The following TNXB variants were observed in gnomAD, a reference collection of about 807,000 sequenced individuals.
TNXB encodes the protein tenascin XB.
A neutral mutation model predicts 340.5 loss-of-function variants in TNXB; 183 were observed. The observed-to-expected ratio is 0.54, with a 90% CI of 0.48 to 0.61. The LOEUF is 0.61. Ranked by LOEUF, TNXB falls within the 20% of genes least tolerant of loss-of-function variation. The pLI, the probability that TNXB is intolerant of heterozygous loss-of-function variation, is 0.00. For synonymous variants in TNXB, 2,121 were observed against 2,314.5 expected, an observed-to-expected ratio of 0.92 and a Z score of 2.40; for missense variants, 4,613 against 5,446.4, an observed-to-expected ratio of 0.85 and a Z score of 4.82.
intron 19 of TNXB, among the ~76,000 whole-genome samples, chr6:32,063,324 G>A (rs1423473089): frequency 6.6e-6 from 1 of 151,962 alleles, no homozygotes; most frequent in Non-Finnish European, 1.5e-5. Flanking sequence ...GGAGGCAGAG[G>A]TTGCAATGAG....
Position 32,095,818 on chromosome 6 carries a change from C to G in TNXB, c.2035G>C (p.Gly679Arg). 2 of 1,612,388 alleles carry G rather than the reference C, an allele frequency of 1.2e-6. No individual in the cohort carries two copies. The highest frequency in any genetic ancestry group is 1.1e-5 in the South Asian group (1 of 90,944). ...GCGCTGGCTGGAGGCTCTTCCTGCC[C>G]GCAGTCCTCACCGCCATAGCCCACG... is the stretch of plus-strand genomic sequence containing the variant. ...CHVGYGGEDC[G>R]QEEPPASACP... Residue 679 changes from glycine (G) to arginine (R), a missense_variant, in exon 3 of 44, where the codon GGG (glycine) becomes CGG (arginine). Transcript: ENST00000644971.
Position 32,068,454 on chromosome 6 carries a change from C to T in TNXB, c.6156G>A (p.Lys2052=), listed in dbSNP as rs367682827. The T allele has an allele frequency of 1.9e-6, 3 of 1,613,816 alleles. No homozygotes were observed. The highest frequency in any genetic ancestry group is 1.3e-5 in the African/African-American group (1 of 74,946). ...CACCGTGGAAGCCGTACAGGTTCAT[C>T]TTGTATTTATGGTCTGGCTCCAGGC... The part of the protein sequence containing the change: ...ISGLEPDHKY[K]MNLYGFHGGQ... The change falls in exon 17 of 44, where the codon AAG becomes AAA. Residue 2052 remains lysine (K), a synonymous_variant. Transcript: ENST00000644971. This position sits in a 1 kb window ranked among gnomAD's most constrained non-coding sequence, Gnocchi z 5.3.
At chr6:32,095,563 TCA>T in intron 3 of TNXB, 46 bp downstream of exon 3, 1 of 1,572,662 alleles carries the variant, frequency 6.4e-7, no homozygotes, top group South Asian at 1.2e-5. Context: ...TGGCTCCTGT[TCA>T]CAGAATCACA....
chr6:32,046,355 A>C lies in TNXB; in HGVS notation c.10426T>G (p.Phe3476Val), dbSNP rs754650827. The C allele has an allele frequency of 6.9e-6, 11 of 1,604,868 alleles. No homozygotes were observed. In the African/African-American group the frequency reaches 1.2e-4, roughly 18 times the overall value. Residue 3476 changes from phenylalanine to valine, a missense_variant, in exon 31 of 44, where the codon TTT (phenylalanine) becomes GTT (valine). Coordinates refer to ENST00000644971, the MANE Select transcript of TNXB (RefSeq NM_001365276.2). This position sits in a 1 kb window ranked among gnomAD's most constrained non-coding sequence, Gnocchi z 6.9. ...RLSWTVAQGP[F>V]DSFVVQYRDT... ...CTGTACTGGACCACGAAGGAGTCAA[A>C]GGGGCCCTGGGCTACCGTCCAGGAC...
chr6:32,081,276 C>T lies in TNXB; in HGVS notation c.4042+92G>A, dbSNP rs1779407916. ...GCTTTGGCAAAATGAGCTGAGAAGG[C>T]GAAGATGGAGGGAGGCTGGAAGGAG... On this transcript the variant is annotated intron_variant, in intron 10 of 43. Coordinates refer to ENST00000644971, the MANE Select transcript of TNXB (RefSeq NM_001365276.2). This position sits in a 1 kb window ranked among gnomAD's most constrained non-coding sequence, Gnocchi z 5.1. The T allele has an allele frequency of 3.8e-6, 5 of 1,317,508 alleles. No individual in the cohort carries two copies. Among genetic ancestry groups the T allele is most frequent in the South Asian group, 2.9e-5 (2 of 68,430 alleles). 81.6% of individuals were successfully genotyped at this position (1,317,508 alleles called of 1,614,324 possible).
chr6:32,073,585 G>A lies in TNXB; in HGVS notation c.4681+62C>T. 2 of 1,476,404 alleles carry A rather than the reference G, an allele frequency of 1.4e-6. No homozygotes were observed. The highest frequency in any genetic ancestry group is 1.8e-6 in the Non-Finnish European group (2 of 1,082,846). 91.5% of individuals were successfully genotyped at this position (1,476,404 alleles called of 1,614,324 possible). A position where few individuals can be genotyped will look rare whatever the true frequency, so the allele number is the denominator to read the frequency against. ...GGTACCAAGGCAGGGCTGGAAGAAG[G>A]GCCATGGGGTGGGGGAGCTCTGGGT... On this transcript the variant is annotated intron_variant, in intron 12 of 43. Coordinates refer to ENST00000644971, the MANE Select transcript of TNXB (RefSeq NM_001365276.2). This position sits in a 1 kb window ranked among gnomAD's most constrained non-coding sequence, Gnocchi z 4.6.
chr6:32,053,276 A>G (rs1354419742), intron 25 of TNXB, 112 bp downstream of exon 25: 60 of 1,478,482 alleles, frequency 4.1e-5, no homozygotes, highest in Middle Eastern at 2.4e-4. Flanking sequence ...AAGACAAAAA[A>G]GTACCATGGC....
chr6:32,097,486 T>A lies in TNXB; in HGVS notation c.404-37A>T. On this transcript the variant is annotated intron_variant, in intron 2 of 43. Transcript: ENST00000644971. This position sits in a 1 kb window ranked among gnomAD's most constrained non-coding sequence, Gnocchi z 5.9. ...GGGGAGAGGCAAGTCTCAGTCTCTCTCCTGGGAGAGAGGCTGAGCCTATGT... is the reference window on the plus strand; with the variant it reads ...GGGGAGAGGCAAGTCTCAGTCTCTCACCTGGGAGAGAGGCTGAGCCTATGT... The A allele has an allele frequency of 6.4e-7, 1 of 1,563,018 alleles. No homozygotes were observed. The highest frequency in any genetic ancestry group is 8.6e-7 in the Non-Finnish European group (1 of 1,158,016).
chr6:32,080,763 G>T lies in TNXB; in HGVS notation c.4042+605C>A, dbSNP rs542016228. On this transcript the variant is annotated intron_variant, in intron 10 of 43. Transcript: ENST00000644971. This position sits in a 1 kb window ranked among gnomAD's most constrained non-coding sequence, Gnocchi z 4.3. ...CAGGCCAGGGGAATGGCACTGGACA[G>T]GGAAAGGCTGGGGACATGGAGGAAC... is the stretch of plus-strand genomic sequence containing the variant. Among the ~76,000 whole-genome samples the T allele has an allele frequency of 1.3e-5, 2 of 152,342 alleles. No individual in the cohort carries two copies. Among genetic ancestry groups the T allele is most frequent in the African/African-American group, 4.8e-5 (2 of 41,584 alleles).
chr6:32,086,041 C>T lies in TNXB; in HGVS notation c.2857G>A (p.Ala953Thr). The change falls in exon 7 of 44, where the codon GCT becomes ACT. Residue 953 changes from alanine (A) to threonine (T), a missense_variant. By Grantham distance (58) the Ala-to-Thr change is moderately conservative (BLOSUM62 0). Transcript: ENST00000644971. The part of the protein sequence containing the change: ...SGPSTTQGAQ[A>T]PLLQQRPQEL... ...TGGGGGCGCTGCTGCAGGAGAGGAG[C>T]CTGGGCCCCTTGCGTCGTCGAGGGG... The T allele has an allele frequency of 6.2e-7, 1 of 1,603,456 alleles. No homozygotes were observed. Among genetic ancestry groups the T allele is most frequent in the African/African-American group, 1.3e-5 (1 of 74,980 alleles).
At chr6:32,088,734 G>T (rs967055086) in intron 6 of TNXB, 51 bp downstream of exon 6, 7 of 1,533,396 alleles carry the variant, frequency 4.6e-6, no homozygotes, top group African/African-American at 1.4e-5. Context: ...TGAGGAGGAG[G>T]ATCCAAGGCT....
rs768602702 is a variant in TNXB at position 32,081,494 on chromosome 6, G to T, written c.3916C>A (p.Pro1306Thr). Residue 1306 changes from proline (P) to threonine (T), a missense_variant, in exon 10 of 44, where the codon CCT becomes ACT. Coordinates refer to ENST00000644971, the MANE Select transcript of TNXB (RefSeq NM_001365276.2). This position sits in a 1 kb window ranked among gnomAD's most constrained non-coding sequence, Gnocchi z 5.1. ...KDAQGQPQAV[P>T]VAGDENEVTV... is the part of the protein sequence containing the mutation. ...ACCTCATTCTCATCCCCCGCAACAG[G>T]CACTGCCTGGGGCTGCCCCTGTGCA... The T allele has an allele frequency of 8.7e-6, 14 of 1,605,934 alleles. No homozygotes were observed. Among genetic ancestry groups the T allele is most frequent in the Admixed American group, 1.7e-5 (1 of 58,894 alleles).
At position 32,098,456 on chromosome 6, in the gene TNXB, TTTTTGTTTTG is replaced by T. The variant is rs60265005; in HGVS notation, c.-8-260_-8-251del. ...TCTATTGTGTTCCCCTACACTGGTT[TTTTTGTTTTG>T]TTTTGTTTTGTTTTGTTTTGTTTGT... On this transcript the variant is annotated intron_variant, in intron 1 of 43. Coordinates refer to ENST00000644971, the MANE Select transcript of TNXB (RefSeq NM_001365276.2). Among the ~76,000 whole-genome samples, 12,797 of 151,730 alleles carry T rather than the reference TTTTTGTTTTG, an allele frequency of 0.084. 591 individuals are homozygous for T. Among genetic ancestry groups the T allele is most frequent in the South Asian group, 0.16 (742 of 4,758 alleles).
At chr6:32,071,454 G>C (rs1057254538) in intron 13 of TNXB, among the ~76,000 whole-genome samples, 4 of 152,160 alleles carry the variant, frequency 2.6e-5, no homozygotes, top group Non-Finnish European at 5.9e-5. Context: ...GAAGAGGCCT[G>C]TAGGGGCTTC....
At position 32,047,969 on chromosome 6, in the gene TNXB, C is replaced by T; in HGVS notation, c.10089G>A (p.Val3363=). The change falls in exon 30 of 44, where the codon GTG becomes GTA. Residue 3363 remains valine, a synonymous_variant. Transcript: ENST00000644971. The surrounding 1 kb of genome is among the most constrained non-coding windows in gnomAD (Gnocchi z 6.2). ...CCACGGAGTCAGGGGTCGCATCTGT[C>T]ACAGTCAGCTCCCCCAGGCGGGGAG... The part of the protein sequence containing the change: ...KPSPRLGELT[V]TDATPDSVGL... 1 of 1,611,036 alleles carries T rather than the reference C, an allele frequency of 6.2e-7. No individual in the cohort carries two copies. The highest frequency in any genetic ancestry group is 8.5e-7 in the Non-Finnish European group (1 of 1,179,134).
chr6:32,095,872 G>A lies in TNXB; in HGVS notation c.1981C>T (p.Arg661Trp), dbSNP rs751935456. Residue 661 changes from arginine to tryptophan, a missense_variant, in exon 3 of 44, where the codon CGG (arginine) becomes TGG (tryptophan). Transcript: ENST00000644971. ...MCPADCRGRG[R>W]CVQGVCLCHV... is the part of the protein sequence containing the mutation. Reference sequence around the variant, plus strand: ...CACAGGCACACTCCTTGCACACACCGCCCACGTCCCCGGCAGTCAGCCGGG... The same window carrying A: ...CACAGGCACACTCCTTGCACACACCACCCACGTCCCCGGCAGTCAGCCGGG... 2.5e-6 allele frequency: 4 copies of A among 1,612,338 alleles called. No homozygotes were observed. The highest frequency in any genetic ancestry group is 3.4e-6 in the Non-Finnish European group (4 of 1,179,350).
At position 32,087,463 on chromosome 6, in the gene TNXB, G is replaced by C. The variant is rs891567026; in HGVS notation, c.2779+1322C>G. ...GAACTGGCCGCGGAGCCCGTCGAGA[G>C]ACACGAGAAGCGCGCCATCGGCGGA... is the stretch of plus-strand genomic sequence containing the variant. On this transcript the variant is annotated intron_variant, in intron 6 of 43. Transcript: ENST00000644971. The surrounding 1 kb of genome is among the most constrained non-coding windows in gnomAD (Gnocchi z 9.0). The C allele has an allele frequency of 4.1e-6, 2 of 490,038 alleles. No homozygotes were observed. The highest frequency in any genetic ancestry group is 3.0e-5 in the South Asian group (2 of 67,678). 30.4% of individuals were successfully genotyped at this position (490,038 alleles called of 1,614,324 possible).
At position 32,072,292 on chromosome 6, in the gene TNXB, A is replaced by T; in HGVS notation, c.4688T>A (p.Leu1563His). ...GGCCTCTGTGGCTGGGGCTGGTGGGAGGGGAGCTGGGATTTGGGAAGACAA... is the reference window on the plus strand; with the variant it reads ...GGCCTCTGTGGCTGGGGCTGGTGGGTGGGGAGCTGGGATTTGGGAAGACAA... ...PLSVVIVTAP[L>H]PPAPATEASK... The change falls in exon 13 of 44, where the codon CTC (leucine) becomes CAC (histidine). Residue 1563 changes from leucine to histidine, a missense_variant. This residue lies in a region of TNXB where 4,327 missense variants were observed against 4,859.4 expected (regional missense o/e 0.89). Transcript: ENST00000644971. This position sits in a 1 kb window ranked among gnomAD's most constrained non-coding sequence, Gnocchi z 4.4. 1 of 1,594,792 alleles carries T rather than the reference A, an allele frequency of 6.3e-7. No individual in the cohort carries two copies. Among genetic ancestry groups the T allele is most frequent in the Non-Finnish European group, 8.6e-7 (1 of 1,169,060 alleles).
rs777941950 is a variant in TNXB, at chr6:32,064,842, C to G, written c.6820G>C (p.Val2274Leu). 3.4e-5 allele frequency: 55 copies of G among 1,610,518 alleles called. No homozygotes were observed. The highest frequency in any genetic ancestry group is 4.5e-5 in the Non-Finnish European group (53 of 1,179,236). ...GFHGGQRVGP[V>L]SAVGLTAPGK... ...TCACCAGTTAAACCAACAGCAGACA[C>G]GGGGCCCACGCGCTGGCCACCGTGG... The change falls in exon 19 of 44, where the codon GTG (valine) becomes CTG (leucine). Residue 2274 changes from valine (V) to leucine (L), a missense_variant. By Grantham distance (32) the Val-to-Leu change is conservative (BLOSUM62 1). Transcript: ENST00000644971. The surrounding 1 kb of genome is among the most constrained non-coding windows in gnomAD (Gnocchi z 5.3).
Sources: allele counts gnomAD v4.1 joint callset (sites outside exome capture counted in the v4.1 genomes callset), GRCh38; gene constraint gnomAD v4.1.1; regional missense constraint gnomAD v4.1.1; non-coding constraint Gnocchi (gnomAD v3.1); transcripts MANE v1.5; gene names NCBI Gene and HGNC (gene_info 2026-07-23, HGNC 2026-07-21).